Variants in EBF3 observed in about 807,000 individuals in gnomAD.
The protein encoded by EBF3 is EBF transcription factor 3.
EBF3 carries 18 observed loss-of-function variants against 77.1 expected under a neutral mutation model. The observed-to-expected ratio is 0.23, with a 90% CI of 0.16 to 0.35. The LOEUF (loss-of-function observed/expected upper bound fraction) is 0.35. EBF3 is among the 10% of genes least tolerant of loss of function. EBF3 has a pLI of 1.00. For missense variants in EBF3, 558 were observed against 860.0 expected, an observed-to-expected ratio of 0.65 and a Z score of 4.39; for synonymous variants, 350 against 343.5, an observed-to-expected ratio of 1.02 and a Z score of -0.21.
intron 8 of EBF3, among the ~76,000 whole-genome samples, chr10:129,872,191 C>T (rs187918501): frequency 7.2e-5 from 11 of 152,160 alleles, no homozygotes; most frequent in Non-Finnish European, 1.5e-4. Flanking sequence ...TCTAGGGAAG[C>T]GAGGAACTGA....
At position 129,879,599 on chromosome 10, in the gene EBF3, T is replaced by C. The variant is rs1853051435; in HGVS notation, c.555-1750A>G. Among the ~76,000 whole-genome samples, 1 of 152,146 alleles carries C rather than the reference T, an allele frequency of 6.6e-6. No homozygotes were observed. Among genetic ancestry groups the C allele is most frequent in the Admixed American group, 6.5e-5 (1 of 15,282 alleles). On this transcript the variant is annotated intron_variant, in intron 6 of 16. Coordinates refer to ENST00000440978, the MANE Select transcript of EBF3 (RefSeq NM_001375380.1). The surrounding 1 kb of genome is among the most constrained non-coding windows in gnomAD (Gnocchi z 4.7). ...TGCATACCATGAGGCCTCACCATTT[T>C]AGGCCAGAATTTACATCTTTTATTA... is the stretch of plus-strand genomic sequence containing the variant.
In EBF3 at chr10:129,842,084, A is replaced by G. The variant is rs1340142089; in HGVS notation, c.1372+32T>C. ...CTCAACCAACCCTCGGAGGGCGTTC[A>G]GGGCAGGGGTCCTCCCAGCATGCTG... is the stretch of plus-strand genomic sequence containing the variant. On this transcript the variant is annotated intron_variant, in intron 13 of 16. Transcript: ENST00000440978. The surrounding 1 kb of genome is among the most constrained non-coding windows in gnomAD (Gnocchi z 4.4). 2 of 1,613,676 alleles carry G rather than the reference A, an allele frequency of 1.2e-6. No homozygotes were observed. The highest frequency in any genetic ancestry group is 1.7e-6 in the Non-Finnish European group (2 of 1,179,758).
chr10:129,963,579 G>GGGGCC lies in EBF3; in HGVS notation c.134+51_134+55dup, dbSNP rs1414932567. 216 of 1,233,394 alleles carry GGGGCC rather than the reference G, an allele frequency of 1.8e-4. No individual in the cohort carries two copies. Among genetic ancestry groups the GGGGCC allele is most frequent in the African/African-American group, 4.3e-4 (27 of 62,210 alleles). 76.4% of individuals were successfully genotyped at this position (1,233,394 alleles called of 1,614,324 possible). ...AGGAGCGCGGCGCCGGCCGGCGGAG[G>GGGGCC]GGGCCGGGCCGGGCCGGGGCCGGGG... On this transcript the variant is annotated intron_variant, in intron 1 of 16. Coordinates refer to ENST00000440978, the MANE Select transcript of EBF3 (RefSeq NM_001375380.1). This position sits in a 1 kb window ranked among gnomAD's most constrained non-coding sequence, Gnocchi z 7.1.
chr10:129,874,690 C>T (rs939331304), intron 7 of EBF3, among the ~76,000 whole-genome samples: 25 of 152,306 alleles, frequency 1.6e-4, no homozygotes, highest in African/African-American at 6.0e-4. Flanking sequence ...GAGTCAGCAC[C>T]ACCCGAGGGA....
At chr10:129,921,130 G>A (rs1049726770) in intron 6 of EBF3, among the ~76,000 whole-genome samples, 7 of 152,192 alleles carry the variant, frequency 4.6e-5, no homozygotes, top group East Asian at 3.9e-4. Flanking sequence ...GAGTTTGAGC[G>A]GGAACCAACT....
At chr10:129,940,001 G>A (rs945235524) in intron 6 of EBF3, among the ~76,000 whole-genome samples, 6 of 152,214 alleles carry the variant, frequency 3.9e-5, no homozygotes, top group African/African-American at 1.2e-4. Context: ...CCCCTCTGAC[G>A]GGGATGTATC....
chr10:129,865,160 G>A (rs1272554044), intron 10 of EBF3, among the ~76,000 whole-genome samples: 2 of 152,194 alleles, frequency 1.3e-5, no homozygotes, highest in Admixed American at 6.5e-5. Flanking sequence ...TGCACCGTGT[G>A]GCTTCAGCAC....
At chr10:129,851,658 C>T (rs1002893423) in intron 10 of EBF3, among the ~76,000 whole-genome samples, 2 of 152,106 alleles carry the variant, frequency 1.3e-5, no homozygotes, top group African/African-American at 2.4e-5. Flanking sequence ...GTAATTAGTG[C>T]CCATTATTTG....
chr10:129,883,940 A>C (rs930798375), intron 6 of EBF3, among the ~76,000 whole-genome samples: 1 of 152,248 alleles, frequency 6.6e-6, no homozygotes, highest in African/African-American at 2.4e-5. Context: ...TCAGCGAACA[A>C]AAAACGTCCT....
At chr10:129,958,400 T>G (rs1198458529) in intron 5 of EBF3, among the ~76,000 whole-genome samples, 5 of 152,182 alleles carry the variant, frequency 3.3e-5, no homozygotes, top group Non-Finnish European at 7.3e-5. Context: ...GGTGGGAAAT[T>G]GCTCTTCTGA....
intron 6 of EBF3, among the ~76,000 whole-genome samples, chr10:129,939,009 T>G (rs1589910703): frequency 6.6e-6 from 1 of 152,348 alleles, no homozygotes; most frequent in South Asian, 2.1e-4. Context: ...GATGTCTTTC[T>G]TTTTCAGAGG....
Position 129,915,462 on chromosome 10 carries a change from G to GCA in EBF3, c.555-37615_555-37614dup, listed in dbSNP as rs3041735. 4.8e-3 allele frequency among the ~76,000 whole-genome samples: 665 copies of GCA among 139,706 alleles called. 2 individuals carry two copies. Among genetic ancestry groups the GCA allele is most frequent in the South Asian group, 0.012 (51 of 4,284 alleles). The allele number at this position is 139,706 out of a possible 152,430, so 91.7% of individuals were successfully genotyped here. ...CTCACCCATGCATGCGCGCACACAT[G>GCA]CACACACACACACACACACACACAC... On this transcript the variant is annotated intron_variant, in intron 6 of 16. Coordinates refer to ENST00000440978, the MANE Select transcript of EBF3 (RefSeq NM_001375380.1).
chr10:129,876,819 C>T (rs1564847496), intron 7 of EBF3, among the ~76,000 whole-genome samples: 1 of 139,078 alleles, frequency 7.2e-6, no homozygotes, highest in Non-Finnish European at 1.5e-5. Context: ...TAATCATTCA[C>T]AAAAAAGGCA....
At chr10:129,948,642 G>A (rs1589938314) in intron 6 of EBF3, among the ~76,000 whole-genome samples, 2 of 151,722 alleles carry the variant, frequency 1.3e-5, no homozygotes, top group Middle Eastern at 6.8e-3. Flanking sequence ...GGGGAGGTGG[G>A]GGGATATGGG....
rs532941586 is a variant in EBF3 at position 129,854,221 on chromosome 10, T to C, written c.1040-5741A>G. ...AACTGTCTCCTCCAAGTGCATTTCA[T>C]CTATAAGAAATTCAGATGCTCGGGA... On this transcript the variant is annotated intron_variant, in intron 10 of 16. Coordinates refer to ENST00000440978, the MANE Select transcript of EBF3 (RefSeq NM_001375380.1). Among the ~76,000 whole-genome samples, 11 of 152,310 alleles carry C rather than the reference T, an allele frequency of 7.2e-5. No individual in the cohort carries two copies. The South Asian group carries it at 1.5e-3, about 20-fold the overall frequency.
At chr10:129,873,626 A>C (rs1852558914) in intron 7 of EBF3, 30 bp from the exon 8 acceptor site, 1 of 1,489,822 alleles carries the variant, frequency 6.7e-7, no homozygotes, top group African/African-American at 1.4e-5. Context: ...TTGAAAATGG[A>C]ATTGGCAAAG....
chr10:129,950,536 T>G (rs1858598256), intron 6 of EBF3, among the ~76,000 whole-genome samples: 1 of 152,236 alleles, frequency 6.6e-6, no homozygotes, highest in Admixed American at 6.5e-5. Context: ...GTCTGACCTT[T>G]TTCTGAAAAC....
intron 6 of EBF3, among the ~76,000 whole-genome samples, chr10:129,941,543 G>A (rs574588082): frequency 3.9e-5 from 6 of 151,968 alleles, no homozygotes; most frequent in Non-Finnish European, 5.9e-5. Flanking sequence ...GAGGAGACTC[G>A]GCCACAGACT....
In EBF3 at chr10:129,873,451, C is replaced by A. The variant is rs1264435742; in HGVS notation, c.781+1G>T. 28 of 1,526,924 alleles carry A rather than the reference C, an allele frequency of 1.8e-5. No individual in the cohort carries two copies. The highest frequency in any genetic ancestry group is 2.4e-5 in the Non-Finnish European group (27 of 1,135,524). The allele number at this position is 1,526,924 out of a possible 1,614,324, so 94.6% of individuals were successfully genotyped here. A position where few individuals can be genotyped will look rare whatever the true frequency, so the allele number is the denominator to read the frequency against. ...AAAAAAGACATGTAACATGTGCCTA[C>A]CATTTTCCAGATAAGAAGGGGCCGT... is the stretch of plus-strand genomic sequence containing the variant. On this transcript the variant is annotated splice_donor_variant, in intron 8 of 16. Coordinates refer to ENST00000440978, the MANE Select transcript of EBF3 (RefSeq NM_001375380.1). LOFTEE classifies it high-confidence loss of function.
Sources: allele counts gnomAD v4.1 joint callset (sites outside exome capture counted in the v4.1 genomes callset), GRCh38; gene constraint gnomAD v4.1.1; non-coding constraint Gnocchi (gnomAD v3.1); transcripts MANE v1.5; gene names NCBI Gene and HGNC (gene_info 2026-07-23, HGNC 2026-07-21).